The following BDP1 variants were observed in gnomAD, a reference collection of about 807,000 sequenced individuals.
The protein encoded by BDP1 is transcription factor TFIIIB component B'' homolog.
BDP1 carries 169 observed loss-of-function variants against 266.6 expected under a neutral mutation model. The ratio of observed to expected loss-of-function variants is 0.63; its 90% CI spans 0.56 to 0.72. The LOEUF (loss-of-function observed/expected upper bound fraction) is 0.72. BDP1 is among the 30% of genes least tolerant of loss of function. The pLI is 0.00. For missense variants in BDP1, 3,015 were observed against 3,053.8 expected, an observed-to-expected ratio of 0.99 and a Z score of 0.30; for synonymous variants, 1,090 against 1,022.4, an observed-to-expected ratio of 1.07 and a Z score of -1.26.
At chr5:71,557,654 GTAGAGACAGA>G (rs1743324187) in intron 36 of BDP1, among the ~76,000 whole-genome samples, 1 of 151,240 alleles carries the variant, frequency 6.6e-6, no homozygotes, top group Non-Finnish European at 1.5e-5. Flanking sequence ...TGTGTTTTTT[GTAGAGACAGA>G]GTTTGTATTT....
intron 25 of BDP1, among the ~76,000 whole-genome samples, chr5:71,530,245 AT>A (rs959598954): frequency 1.3e-5 from 2 of 149,264 alleles, no homozygotes; most frequent in South Asian, 2.1e-4. Flanking sequence ...CTTTATTTTT[AT>A]TTTTTTGAGA....
At position 71,512,402 on chromosome 5, in the gene BDP1, A is replaced by G. The variant is rs906351305; in HGVS notation, c.4221A>G (p.Pro1407=). The G allele has an allele frequency of 1.8e-5, 28 of 1,566,908 alleles. No individual in the cohort carries two copies. The highest frequency in any genetic ancestry group is 2.4e-5 in the Non-Finnish European group (28 of 1,165,576). Residue 1407 remains proline, a synonymous_variant, in exon 18 of 39, where the codon CCA becomes CCG. Transcript: ENST00000358731. ...EVQGIQSPDV[P]EQFSDINLSK... ...AGGGGATTCAATCTCCAGATGTTCC[A>G]GAGCAGTTTTCAGATATTAATTTAA... is the stretch of plus-strand genomic sequence containing the variant.
Position 71,489,417 on chromosome 5 carries a change from C to A in BDP1, c.1227C>A (p.Ala409=), listed in dbSNP as rs1232336565. The A allele has an allele frequency of 6.3e-7, 1 of 1,583,206 alleles. No homozygotes were observed. Among genetic ancestry groups the A allele is most frequent in the Admixed American group, 1.9e-5 (1 of 51,874 alleles). Residue 409 remains alanine, a synonymous_variant, in exon 10 of 39, where the codon GCC becomes GCA. Transcript: ENST00000358731. ...PRKNVKVKKV[A]CEGVNNDPDE... Reference sequence around the variant, plus strand: ...TCTTGTTTTCAGTGAAAAAAGTTGCCTGTGAAGGAGTGAATAATGATCCAG... The same window carrying A: ...TCTTGTTTTCAGTGAAAAAAGTTGCATGTGAAGGAGTGAATAATGATCCAG...
Position 71,560,127 on chromosome 5 carries a change from G to C in BDP1, c.7386G>C (p.Gln2462His). 6.2e-7 allele frequency: 1 copy of C among 1,614,138 alleles called. No individual in the cohort carries two copies. The highest frequency in any genetic ancestry group is 1.1e-5 in the South Asian group (1 of 91,088). ...PDACMDKNVP[Q>H]LPQDEMIVSD... ...CATGCATGGACAAGAATGTGCCTCA[G>C]TTACCTCAGGATGAAATGATTGTGT... The change falls in exon 37 of 39, where the codon CAG (glutamine) becomes CAC (histidine). Residue 2462 changes from glutamine to histidine, a missense_variant. Gln to His is a conservative substitution (Grantham distance 24, BLOSUM62 0). Coordinates refer to ENST00000358731, the MANE Select transcript of BDP1 (RefSeq NM_018429.3).
intron 29 of BDP1, 78 bp downstream of exon 29, chr5:71,541,760 A>G: frequency 2.2e-6 from 2 of 904,078 alleles, no homozygotes; most frequent in South Asian, 4.2e-5. Flanking sequence ...AATGCTTTAA[A>G]TGTAAAGTAG....
Position 71,565,154 on chromosome 5 carries a change from ACT to A in BDP1, c.*272_*273del, listed in dbSNP as rs1172533800. 1 of 352,286 alleles carries A rather than the reference ACT, an allele frequency of 2.8e-6. No individual in the cohort carries two copies. The highest frequency in any genetic ancestry group is 5.1e-6 in the Non-Finnish European group (1 of 194,770). The allele number at this position is 352,286 out of a possible 1,614,324, so 21.8% of individuals were successfully genotyped here. A position where few individuals can be genotyped will look rare whatever the true frequency, so the allele number is the denominator to read the frequency against. ...AATAACAACTCTTGTTTACATTTTG[ACT>A]CTTCCTGTGCTAAGCACACATGGAC... On this transcript the variant is annotated 3_prime_UTR_variant, in exon 39 of 39. Transcript: ENST00000358731.
chr5:71,457,926 C>T (rs1761299087), intron 1 of BDP1, among the ~76,000 whole-genome samples: 1 of 152,104 alleles, frequency 6.6e-6, no homozygotes, highest in Non-Finnish European at 1.5e-5. Context: ...GTATACCATA[C>T]CTAATATGCA....
At position 71,509,728 on chromosome 5, in the gene BDP1, G is replaced by T. The variant is rs574586593; in HGVS notation, c.2636G>T (p.Arg879Ile). Residue 879 changes from arginine (R) to isoleucine (I), a missense_variant, in exon 17 of 39, where the codon AGA becomes ATA. Physicochemically the swap from Arg to Ile is moderately conservative, Grantham distance 97. Transcript: ENST00000358731. ...CAGTCAGATTTAAAAGAAACTGGAA[G>T]AAGAGCCATTTCTCCCAGGGAGAAG... The part of the protein sequence containing the change: ...EMQSDLKETG[R>I]RAISPREKIL... The T allele has an allele frequency of 4.3e-6, 7 of 1,613,998 alleles. No homozygotes were observed. The highest frequency in any genetic ancestry group is 4.0e-5 in the African/African-American group (3 of 74,932).
At chr5:71,552,646 C>T (rs895278997) in intron 34 of BDP1, among the ~76,000 whole-genome samples, 2 of 152,260 alleles carry the variant, frequency 1.3e-5, no homozygotes, top group East Asian at 1.9e-4. Flanking sequence ...AGCGAAACCC[C>T]GTCTCCACCA....
intron 35 of BDP1, among the ~76,000 whole-genome samples, chr5:71,555,934 C>T (rs963900995): frequency 6.6e-6 from 1 of 151,808 alleles, no homozygotes; most frequent in Admixed American, 6.7e-5. Flanking sequence ...ATCATATTAA[C>T]TTAGATTAAC....
intron 16 of BDP1, among the ~76,000 whole-genome samples, chr5:71,505,719 G>GC (rs1764541452): frequency 6.6e-6 from 1 of 152,134 alleles, no homozygotes; most frequent in Admixed American, 6.6e-5. Flanking sequence ...ATAGTACCTA[G>GC]CTGGGCATGG....
intron 13 of BDP1, 95 bp downstream of exon 13, chr5:71,497,521 G>GT: frequency 1.1e-6 from 1 of 891,308 alleles, no homozygotes; most frequent in Non-Finnish European, 1.7e-6. Context: ...ACAAAGTACT[G>GT]TTACTGATAT....
chr5:71,531,446 G>A (rs1316095547), intron 25 of BDP1, among the ~76,000 whole-genome samples: 3 of 152,058 alleles, frequency 2.0e-5, no homozygotes, highest in African/African-American at 7.2e-5. Context: ...AATCGTGCAG[G>A]CTTTGGGGTT....
rs370158972 is a variant in BDP1, at chr5:71,538,992, A to C, written c.5893-50A>C. The C allele has an allele frequency of 9.5e-6, 12 of 1,258,156 alleles. No homozygotes were observed. In the African/African-American group the frequency reaches 1.6e-4, roughly 17 times the overall value. 77.9% of individuals were successfully genotyped at this position (1,258,156 alleles called of 1,614,324 possible). On this transcript the variant is annotated intron_variant, in intron 26 of 38. Coordinates refer to ENST00000358731, the MANE Select transcript of BDP1 (RefSeq NM_018429.3). The stretch of plus-strand genomic sequence containing the variant: ...AATGTAGTGCATGCTGAGAAACAGA[A>C]CATGTTTGGGGAAGTATTTTAAGAT...
rs1330813857 is a variant in BDP1, at chr5:71,471,980, C to T, written c.1014+1491C>T. 2.6e-5 allele frequency among the ~76,000 whole-genome samples: 4 copies of T among 152,176 alleles called. No homozygotes were observed. In the East Asian group the frequency reaches 7.7e-4, roughly 29 times the overall value. ...TTCATGTTCATTTTCTAATGTTGAT[C>T]TTTGATAAAAGAACAAAATGTTAAA... is the stretch of plus-strand genomic sequence containing the variant. On this transcript the variant is annotated intron_variant, in intron 7 of 38. Coordinates refer to ENST00000358731, the MANE Select transcript of BDP1 (RefSeq NM_018429.3).
In BDP1 at chr5:71,536,866, C is replaced by T. The variant is rs754258904; in HGVS notation, c.5893-2176C>T. On this transcript the variant is annotated intron_variant, in intron 26 of 38. Coordinates refer to ENST00000358731, the MANE Select transcript of BDP1 (RefSeq NM_018429.3). ...GAACCAGGTCGAGCGCGTTGGCTCACGCCTATAATCCCAGCACTTTGGGAG... is the reference window on the plus strand; with the variant it reads ...GAACCAGGTCGAGCGCGTTGGCTCATGCCTATAATCCCAGCACTTTGGGAG... Among the ~76,000 whole-genome samples the T allele has an allele frequency of 2.6e-5, 4 of 152,032 alleles. No homozygotes were observed. In the South Asian group the frequency reaches 6.2e-4, roughly 24 times the overall value.
At chr5:71,485,290 A>G (rs924358753) in intron 8 of BDP1, among the ~76,000 whole-genome samples, 6 of 152,162 alleles carry the variant, frequency 3.9e-5, no homozygotes, top group African/African-American at 7.2e-5. Flanking sequence ...TCTCAAAACT[A>G]GAAACAACTC....
At chr5:71,530,483 A>G (rs1016295426) in intron 25 of BDP1, among the ~76,000 whole-genome samples, 5 of 152,010 alleles carry the variant, frequency 3.3e-5, no homozygotes, top group Non-Finnish European at 5.9e-5. Context: ...AGCTCAAACA[A>G]TCTGCCAACC....
At chr5:71,549,920 T>C (rs1299749627) in intron 34 of BDP1, among the ~76,000 whole-genome samples, 1 of 152,240 alleles carries the variant, frequency 6.6e-6, no homozygotes, top group Non-Finnish European at 1.5e-5. Flanking sequence ...AACATACACA[T>C]ATGAAACTGT....
Sources: gnomAD v4.1 joint callset for allele counts (sites outside exome capture counted in the v4.1 genomes callset) on GRCh38, gnomAD v4.1.1 for gene constraint, MANE v1.5 for transcripts, NCBI Gene and HGNC (gene_info 2026-07-23, HGNC 2026-07-21) for gene names.